CD44: variants seen among roughly 807,000 people sequenced by gnomAD.
CD44 encodes CD44 molecule (IN blood group), also known as CD44 antigen.
CD44 carries 49 observed loss-of-function variants against 88.8 expected under a neutral mutation model. The ratio of observed to expected loss-of-function variants is 0.55; its 90% CI spans 0.44 to 0.70. CD44 has a LOEUF of 0.70. Among genes scored for constraint, CD44 ranks in the 30% least tolerant of loss-of-function variants. The pLI is 0.00. For missense variants in CD44, 883 were observed against 913.8 expected, an observed-to-expected ratio of 0.97 and a Z score of 0.43; for synonymous variants, 325 against 312.3, an observed-to-expected ratio of 1.04 and a Z score of -0.43.
At chr11:35,152,070 G>C (rs1414607742) in intron 1 of CD44, among the ~76,000 whole-genome samples, 2 of 152,228 alleles carry the variant, frequency 1.3e-5, no homozygotes, top group African/African-American at 4.8e-5. Context: ...AAGATGAAAG[G>C]GTGGTATGTG....
chr11:35,171,883 G>A (rs1373337017), intron 1 of CD44, among the ~76,000 whole-genome samples: 4 of 151,908 alleles, frequency 2.6e-5, no homozygotes, highest in African/African-American at 9.7e-5. Flanking sequence ...GGACTATAAG[G>A]TGGATGCCTA....
intron 1 of CD44, among the ~76,000 whole-genome samples, chr11:35,174,393 A>T (rs1284674713): frequency 6.6e-6 from 1 of 152,176 alleles, no homozygotes; most frequent in Non-Finnish European, 1.5e-5. Flanking sequence ...TTGTCCCAAG[A>T]GGATGTCAAC....
chr11:35,177,323 A>T (rs1040139738), intron 2 of CD44, among the ~76,000 whole-genome samples: 1 of 152,234 alleles, frequency 6.6e-6, no homozygotes, highest in Non-Finnish European at 1.5e-5. Context: ...CTAGAGCTGC[A>T]TAGAGCCTTC....
chr11:35,225,244 C>A (rs1453125790), intron 17 of CD44, among the ~76,000 whole-genome samples: 1 of 151,676 alleles, frequency 6.6e-6, no homozygotes. Context: ...CAAAATAAAT[C>A]CCTAAATATC....
intron 4 of CD44, among the ~76,000 whole-genome samples, chr11:35,188,474 C>T (rs1032636155): frequency 1.3e-5 from 2 of 152,146 alleles, no homozygotes; most frequent in Non-Finnish European, 2.9e-5. Flanking sequence ...TATGTCCAGC[C>T]CATAGTAGAG....
Position 35,201,071 on chromosome 11 carries a change from C to A in CD44, c.923-11C>A, listed in dbSNP as rs766954190. ...ACATTTTTCTAATTGCTTCAATCAT[C>A]GTTATCACAGTTTCAACCACACCAC... is the stretch of plus-strand genomic sequence containing the variant. On this transcript the variant is annotated splice_polypyrimidine_tract_variant and intron_variant, in intron 7 of 17. Transcript: ENST00000428726. 2.5e-6 allele frequency: 4 copies of A among 1,585,818 alleles called. No individual in the cohort carries two copies. The Admixed American group carries it at 6.7e-5, about 26-fold the overall frequency.
intron 7 of CD44, chr11:35,200,536 T>G (rs10768114): frequency 0.76 from 116,194 of 153,506 alleles, 44,640 homozygotes; most frequent in East Asian, 0.93. Context: ...ATGGCTATTC[T>G]AGGTATTCTT....
chr11:35,212,735 A>G (rs958448728), intron 14 of CD44: 3 of 152,214 alleles, frequency 2.0e-5, no homozygotes, highest in Non-Finnish European at 4.4e-5. Context: ...TTTATTAAAA[A>G]TTCCAAGTAC....
At chr11:35,196,206 T>G (rs976224125) in intron 5 of CD44, among the ~76,000 whole-genome samples, 1 of 152,234 alleles carries the variant, frequency 6.6e-6, no homozygotes, top group African/African-American at 2.4e-5. Context: ...TCTTGCCAAG[T>G]GATCTTCCTG....
intron 1 of CD44, among the ~76,000 whole-genome samples, chr11:35,146,071 G>A (rs973717500): frequency 3.9e-5 from 6 of 151,998 alleles, no homozygotes; most frequent in Admixed American, 3.3e-4. Flanking sequence ...TTGTGGGGGT[G>A]GGGAACGATG....
intron 1 of CD44, among the ~76,000 whole-genome samples, chr11:35,168,346 C>T (rs1278729125): frequency 6.6e-6 from 1 of 152,200 alleles, no homozygotes; most frequent in Non-Finnish European, 1.5e-5. Context: ...CAGTGACTAG[C>T]ACAAGTTACT....
At chr11:35,222,345 A>G (rs1949369762) in intron 17 of CD44, 1 of 1,107,584 alleles carries the variant, frequency 9.0e-7, no homozygotes, top group Non-Finnish European at 1.2e-6. Flanking sequence ...TTTTGTAATG[A>G]TATCATTTTC....
At chr11:35,198,297 A>G in intron 7 of CD44, 51 bp downstream of exon 7, 2 of 1,555,662 alleles carry the variant, frequency 1.3e-6, no homozygotes, top group Non-Finnish European at 1.8e-6. Flanking sequence ...TTATTGATTA[A>G]TCTGAGTGAT....
Position 35,183,997 on chromosome 11 carries a change from C to T in CD44, c.368-2835C>T, listed in dbSNP as rs952198177. Among the ~76,000 whole-genome samples, 105 of 152,166 alleles carry T rather than the reference C, an allele frequency of 6.9e-4. 1 individual carries two copies. Among genetic ancestry groups the T allele is most frequent in the Non-Finnish European group, 2.5e-4 (17 of 68,040 alleles). ...GTTAGACTGAATAATTAATGTTTCT[C>T]TTGGTTATTTTGGTGTGTTGAAGCC... is the stretch of plus-strand genomic sequence containing the variant. On this transcript the variant is annotated intron_variant, in intron 3 of 17. Transcript: ENST00000428726.
chr11:35,145,450 G>A (rs1016013022), intron 1 of CD44, among the ~76,000 whole-genome samples: 3 of 152,150 alleles, frequency 2.0e-5, no homozygotes, highest in African/African-American at 7.2e-5. Context: ...CAGGCCTCAT[G>A]TTTGGTCTAC....
chr11:35,179,102 T>C (rs957140470), intron 2 of CD44, among the ~76,000 whole-genome samples: 8 of 152,288 alleles, frequency 5.3e-5, no homozygotes, highest in East Asian at 3.9e-4. Flanking sequence ...AGATGAGAAA[T>C]TAGTCATGCG....
At chr11:35,215,030 A>G (rs906477441) in intron 15 of CD44, 116 bp downstream of exon 15, 1 of 518,046 alleles carries the variant, frequency 1.9e-6, no homozygotes, top group African/African-American at 2.0e-5. Flanking sequence ...TTCTTAGCAT[A>G]CATCACAATT....
chr11:35,149,805 G>GTCAA (rs554347391), intron 1 of CD44, among the ~76,000 whole-genome samples: 1 of 152,204 alleles, frequency 6.6e-6, no homozygotes, highest in Non-Finnish European at 1.5e-5. Context: ...TGTATTAAAT[G>GTCAA]TCAAAAGTGA....
chr11:35,188,323 C>T (rs1310934119), intron 4 of CD44, among the ~76,000 whole-genome samples: 1 of 152,222 alleles, frequency 6.6e-6, no homozygotes, highest in East Asian at 1.9e-4. Flanking sequence ...TGTGCTGTCT[C>T]AGCAGGCCTG....
Sources: gnomAD v4.1 joint callset for allele counts (sites outside exome capture counted in the v4.1 genomes callset) on GRCh38, gnomAD v4.1.1 for gene constraint, MANE v1.5 for transcripts, NCBI Gene and HGNC (gene_info 2026-07-23, HGNC 2026-07-21) for gene names.